The following SLC44A5 variants were observed in gnomAD, a reference collection of about 807,000 sequenced individuals.
SLC44A5 encodes solute carrier family 44 member 5, also known as choline transporter-like protein 5.
SLC44A5 carries 57 observed loss-of-function variants against 101.8 expected under a neutral mutation model. The observed-to-expected ratio is 0.56, with a 90% CI of 0.45 to 0.70. The LOEUF (loss-of-function observed/expected upper bound fraction) is 0.70, where lower values mean the gene tolerates loss of function less well. Ranked by LOEUF, SLC44A5 falls within the 30% of genes least tolerant of loss-of-function variation. The probability of loss-of-function intolerance (pLI) is 0.00; values close to 1 mark genes in which losing one functional copy is unlikely to be tolerated. For missense variants in SLC44A5, 737 were observed against 853.1 expected, an observed-to-expected ratio of 0.86 and a Z score of 1.70; for synonymous variants, 281 against 290.9, an observed-to-expected ratio of 0.97 and a Z score of 0.35.
At chr1:75,484,148 C>A (rs1668026759) in intron 2 of SLC44A5, among the ~76,000 whole-genome samples, 1 of 152,212 alleles carries the variant, frequency 6.6e-6, no homozygotes, top group Non-Finnish European at 1.5e-5. Flanking sequence ...CAATATCAAT[C>A]ATGCCTTCCC....
At chr1:75,550,477 G>A (rs1052083037) in intron 1 of SLC44A5, among the ~76,000 whole-genome samples, 1 of 151,920 alleles carries the variant, frequency 6.6e-6, no homozygotes, top group Non-Finnish European at 1.5e-5. Flanking sequence ...AGTGATGCTT[G>A]CAAAACATTG....
chr1:75,663,331 T>C, the SLC44A5 span, among the ~76,000 whole-genome samples: 1 of 152,142 alleles, frequency 6.6e-6, no homozygotes, highest in Non-Finnish European at 1.5e-5. Context: ...CATGTGAGAA[T>C]ACAAAGACAA....
At chr1:75,350,804 G>A (rs1405682418) in intron 3 of SLC44A5, among the ~76,000 whole-genome samples, 3 of 147,828 alleles carry the variant, frequency 2.0e-5, no homozygotes, top group Non-Finnish European at 4.4e-5. Flanking sequence ...TGAGAAAGGA[G>A]AATCGCTTTA....
the SLC44A5 span, among the ~76,000 whole-genome samples, chr1:75,686,001 G>A: frequency 6.6e-6 from 1 of 152,154 alleles, no homozygotes; most frequent in Non-Finnish European, 1.5e-5. Context: ...GCAGGAGAGG[G>A]AAGTGCTGAG....
intron 2 of SLC44A5, among the ~76,000 whole-genome samples, chr1:75,460,678 C>A (rs1330842921): frequency 1.3e-5 from 2 of 152,178 alleles, no homozygotes; most frequent in East Asian, 3.9e-4. Flanking sequence ...ATTCAAGATT[C>A]CAATAAAAGG....
intron 1 of SLC44A5, among the ~76,000 whole-genome samples, chr1:75,569,908 G>A (rs895923373): frequency 6.6e-6 from 1 of 152,200 alleles, no homozygotes; most frequent in Non-Finnish European, 1.5e-5. Context: ...GAGGAAAAGT[G>A]AGATATGAAA....
At chr1:75,660,069 T>A in the SLC44A5 span, among the ~76,000 whole-genome samples, 2 of 152,004 alleles carry the variant, frequency 1.3e-5, no homozygotes, top group Non-Finnish European at 2.9e-5. Context: ...CCTGGTGTGG[T>A]GGTGCATGCC....
chr1:75,282,803 A>G (rs1305982018), intron 5 of SLC44A5, among the ~76,000 whole-genome samples: 1 of 152,062 alleles, frequency 6.6e-6, no homozygotes, highest in Non-Finnish European at 1.5e-5. Context: ...CCCTTCCACC[A>G]TGATTGTAAG....
At chr1:75,589,666 T>C (rs569885551) in intron 1 of SLC44A5, among the ~76,000 whole-genome samples, 27 of 152,184 alleles carry the variant, frequency 1.8e-4, no homozygotes, top group African/African-American at 6.0e-4. Flanking sequence ...ACTAAAGAGA[T>C]AGAAAAAACG....
chr1:75,647,717 C>T, the SLC44A5 span, among the ~76,000 whole-genome samples: 1 of 152,184 alleles, frequency 6.6e-6, no homozygotes. Flanking sequence ...ATTTGACTGT[C>T]CCACTGGATT....
At chr1:75,593,698 A>T (rs1331357953) in intron 1 of SLC44A5, among the ~76,000 whole-genome samples, 1 of 152,122 alleles carries the variant, frequency 6.6e-6, no homozygotes, top group Admixed American at 6.6e-5. Flanking sequence ...ATGCAGATGG[A>T]ACTCGGGATT....
At chr1:75,688,288 C>T in the SLC44A5 span, among the ~76,000 whole-genome samples, 2 of 152,162 alleles carry the variant, frequency 1.3e-5, no homozygotes, top group African/African-American at 4.8e-5. Context: ...AAGACACTGA[C>T]CCCAGTTGGG....
chr1:75,234,161 C>T lies in SLC44A5; in HGVS notation c.741-63G>A. The T allele has an allele frequency of 5.4e-6, 6 of 1,111,084 alleles. No individual in the cohort carries two copies. The South Asian group carries it at 8.3e-5, about 15-fold the overall frequency. 68.8% of individuals were successfully genotyped at this position (1,111,084 alleles called of 1,614,324 possible). A position where few individuals can be genotyped will look rare whatever the true frequency, so the allele number is the denominator to read the frequency against. On this transcript the variant is annotated intron_variant, in intron 11 of 23. Coordinates refer to ENST00000370859, the MANE Select transcript of SLC44A5 (RefSeq NM_001130058.2). ...GCTAAACACAGCATATTACAAACAT[C>T]AAGACAAAACTTTTTTTCTATTCAA...
chr1:75,407,282 GC>G (rs1662941716), intron 2 of SLC44A5, among the ~76,000 whole-genome samples: 1 of 151,994 alleles, frequency 6.6e-6, no homozygotes, highest in Non-Finnish European at 1.5e-5. Flanking sequence ...TGGCCATACT[GC>G]CCAAAGTAAT....
At chr1:75,373,332 A>G (rs1280240036) in intron 3 of SLC44A5, among the ~76,000 whole-genome samples, 1 of 152,088 alleles carries the variant, frequency 6.6e-6, no homozygotes, top group Non-Finnish European at 1.5e-5. Context: ...CTGGCCCTCA[A>G]CAGGTCCTAA....
At chr1:75,532,632 C>G (rs557240712) in intron 2 of SLC44A5, among the ~76,000 whole-genome samples, 17 of 152,166 alleles carry the variant, frequency 1.1e-4, no homozygotes, top group Non-Finnish European at 2.5e-4. Context: ...TCTTTACTAT[C>G]ATTTTCCACT....
chr1:75,468,972 T>C (rs1031313833), intron 2 of SLC44A5, among the ~76,000 whole-genome samples: 6 of 152,056 alleles, frequency 3.9e-5, no homozygotes, highest in African/African-American at 1.4e-4. Flanking sequence ...CCCACAAAAA[T>C]TAAAATGAAA....
At chr1:75,481,918 G>T (rs1667881280) in intron 2 of SLC44A5, among the ~76,000 whole-genome samples, 2 of 152,102 alleles carry the variant, frequency 1.3e-5, no homozygotes, top group Non-Finnish European at 2.9e-5. Flanking sequence ...TCCCATTACT[G>T]GGTATATACC....
chr1:75,216,867 C>T (rs1278693417), intron 18 of SLC44A5, among the ~76,000 whole-genome samples: 3 of 152,016 alleles, frequency 2.0e-5, no homozygotes, highest in African/African-American at 7.2e-5. Context: ...CCTTATCTGG[C>T]ATATGATTTG....
Sources: allele counts gnomAD v4.1 joint callset (sites outside exome capture counted in the v4.1 genomes callset), GRCh38; gene constraint gnomAD v4.1.1; transcripts MANE v1.5; gene names NCBI Gene and HGNC (gene_info 2026-07-23, HGNC 2026-07-21).